Variants in DNAH8 observed in about 807,000 individuals in gnomAD.
DNAH8 encodes dynein axonemal heavy chain 8, also known as axonemal beta dynein heavy chain 8.
In DNAH8, 382 loss-of-function variants were observed where a neutral mutation model predicts 562.1. The observed-to-expected ratio is 0.68, with a 90% CI of 0.63 to 0.74. The LOEUF (loss-of-function observed/expected upper bound fraction) is 0.74. DNAH8 is among the 30% of genes least tolerant of loss of function. The pLI, the probability that DNAH8 is intolerant of heterozygous loss-of-function variation, is 0.00. For missense variants in DNAH8, 5,203 were observed against 5,620.4 expected (o/e 0.93, Z 2.37); for synonymous variants, 1,881 against 1,919.4 (o/e 0.98, Z 0.52).
Position 38,898,162 on chromosome 6 carries a change from A to G in DNAH8, c.8941-96A>G. On this transcript the variant is annotated intron_variant, in intron 60 of 92. Coordinates refer to ENST00000327475, the MANE Select transcript of DNAH8 (RefSeq NM_001206927.2). The stretch of plus-strand genomic sequence containing the variant: ...CCATAACGTTTAAAAAAAGATATGT[A>G]TATTTTAAAATTACTTTTGAGTGTC... 3.7e-6 allele frequency: 4 copies of G among 1,079,798 alleles called. No homozygotes were observed. The South Asian group carries it at 6.3e-5, about 17-fold the overall frequency. 66.9% of individuals were successfully genotyped at this position (1,079,798 alleles called of 1,614,324 possible).
intron 3 of DNAH8, among the ~76,000 whole-genome samples, chr6:38,723,970 TTTAA>T (rs68148878): frequency 0.11 from 15,013 of 142,174 alleles, 1,118 homozygotes; most frequent in African/African-American, 0.21. Context: ...TCTTTTTAAA[TTTAA>T]TTAATTAATT....
intron 88 of DNAH8, among the ~76,000 whole-genome samples, chr6:38,999,626 A>T (rs565887645): frequency 1.3e-5 from 2 of 152,012 alleles, no homozygotes; most frequent in Non-Finnish European, 2.9e-5. Context: ...CCCATTCCTG[A>T]ATTTTGAAGT....
chr6:38,939,973 G>A (rs1013435960), intron 79 of DNAH8, among the ~76,000 whole-genome samples: 7 of 152,136 alleles, frequency 4.6e-5, no homozygotes, highest in Non-Finnish European at 8.8e-5. Flanking sequence ...AATGAAAGGT[G>A]GATATGGAGG....
chr6:38,962,268 T>G (rs1173466334), intron 82 of DNAH8, among the ~76,000 whole-genome samples: 1 of 152,098 alleles, frequency 6.6e-6, no homozygotes, highest in African/African-American at 2.4e-5. Flanking sequence ...GCATCATTGT[T>G]TTTCTAGTTG....
intron 43 of DNAH8, among the ~76,000 whole-genome samples, chr6:38,861,073 C>CT (rs143922312): frequency 0.065 from 9,917 of 152,180 alleles, 1,006 homozygotes; most frequent in African/African-American, 0.22. Context: ...TTATATGACA[C>CT]TAGGCAATTA....
intron 52 of DNAH8, 88 bp from the exon 53 acceptor site, chr6:38,875,502 TC>T (rs1337991096): frequency 6.2e-6 from 5 of 800,380 alleles, no homozygotes; most frequent in East Asian, 5.7e-5. Context: ...TCTTCTCTCT[TC>T]CTTCCTCCTT....
At chr6:38,891,302 C>T (rs1779324690) in intron 58 of DNAH8, among the ~76,000 whole-genome samples, 1 of 152,044 alleles carries the variant, frequency 6.6e-6, no homozygotes, top group African/African-American at 2.4e-5. Flanking sequence ...TGCAGCTGTC[C>T]CCAGATGACT....
intron 47 of DNAH8, among the ~76,000 whole-genome samples, chr6:38,867,392 C>T (rs1008649863): frequency 2.0e-5 from 3 of 152,006 alleles, no homozygotes; most frequent in African/African-American, 7.3e-5. Context: ...AATTTTATTG[C>T]AAGAATGTTA....
At chr6:38,751,093 G>C (rs1336455181) in intron 9 of DNAH8, among the ~76,000 whole-genome samples, 1 of 152,186 alleles carries the variant, frequency 6.6e-6, no homozygotes, top group Non-Finnish European at 1.5e-5. Context: ...AGGAATCCAA[G>C]CAAGGCATAG....
chr6:38,767,813 CT>C (rs2127617887), intron 11 of DNAH8, among the ~76,000 whole-genome samples: 1 of 152,242 alleles, frequency 6.6e-6, no homozygotes, highest in East Asian at 1.9e-4. Context: ...GGGTGTATTC[CT>C]AGAAGGGAAA....
chr6:38,939,220 A>T (rs1443481570), intron 79 of DNAH8, among the ~76,000 whole-genome samples: 1 of 152,204 alleles, frequency 6.6e-6, no homozygotes, highest in Non-Finnish European at 1.5e-5. Flanking sequence ...GTAGTTATTG[A>T]TATAACTACA....
rs1780721923 is a variant in DNAH8 at position 38,909,523 on chromosome 6, T to C, written c.9519T>C (p.Gly3173=). 2.5e-6 allele frequency: 4 copies of C among 1,613,574 alleles called. No homozygotes were observed. Among genetic ancestry groups the C allele is most frequent in the Non-Finnish European group, 3.4e-6 (4 of 1,179,500 alleles). ...LHVVLCFSPV[G]EKFRARSLKF... ...GTTGACTTTGCTATCAATAGGTTGGTGAGAAGTTCCGTGCCCGTTCTTTGA... is the reference window on the plus strand; with the variant it reads ...GTTGACTTTGCTATCAATAGGTTGGCGAGAAGTTCCGTGCCCGTTCTTTGA... Residue 3173 remains glycine (G), a synonymous_variant, in exon 65 of 93, where the codon GGT becomes GGC. Transcript: ENST00000327475.
chr6:38,980,617 T>C (rs1229003649), intron 85 of DNAH8, among the ~76,000 whole-genome samples: 2 of 152,220 alleles, frequency 1.3e-5, no homozygotes, highest in African/African-American at 4.8e-5. Context: ...GGGTTGGCTG[T>C]CTACCTTGGA....
chr6:38,973,612 A>T, intron 83 of DNAH8, 49 bp from the exon 84 acceptor site: 2 of 1,454,592 alleles, frequency 1.4e-6, no homozygotes, highest in Non-Finnish European at 9.2e-7. Context: ...TATTAAAATC[A>T]TAGCAAAAAG....
At chr6:39,016,300 C>T (rs1766564296) in intron 91 of DNAH8, among the ~76,000 whole-genome samples, 1 of 151,932 alleles carries the variant, frequency 6.6e-6, no homozygotes, top group South Asian at 2.1e-4. Flanking sequence ...GCGTGTAATC[C>T]CAGCACTTTG....
At position 38,862,332 on chromosome 6, in the gene DNAH8, G is replaced by T. The variant is rs756311363; in HGVS notation, c.6184G>T (p.Ala2062Ser). ...GGGCATGAACATGGGAGGTGCTCCC[G>T]CAGGACCTGCTGGCACTGGCAAAAC... Reference protein sequence around the residue: ...ALGMNMGGAPAGPAGTGKTET... With the variant: ...ALGMNMGGAPSGPAGTGKTET... Residue 2062 changes from alanine (A) to serine (S), a missense_variant, in exon 44 of 93, where the codon GCA becomes TCA. Ala to Ser is a moderately conservative substitution (Grantham distance 99). This residue lies in a region of DNAH8 where 2,176 missense variants were observed against 2,365.1 expected (regional missense o/e 0.92). Transcript: ENST00000327475. The T allele has an allele frequency of 3.7e-6, 6 of 1,613,988 alleles. No individual in the cohort carries two copies. The highest frequency in any genetic ancestry group is 5.1e-6 in the Non-Finnish European group (6 of 1,179,990).
chr6:38,995,863 T>G (rs974101382), intron 88 of DNAH8, among the ~76,000 whole-genome samples: 1 of 152,242 alleles, frequency 6.6e-6, no homozygotes, highest in Non-Finnish European at 1.5e-5. Flanking sequence ...GCCTTCTTAA[T>G]ATAATCTATC....
At chr6:38,928,817 G>A (rs543932976) in intron 74 of DNAH8, among the ~76,000 whole-genome samples, 103 of 152,254 alleles carry the variant, frequency 6.8e-4, no homozygotes, top group African/African-American at 2.3e-3. Context: ...GATCCTAGGT[G>A]AAGTAAGGGT....
At position 38,949,539 on chromosome 6, in the gene DNAH8, C is replaced by T. The variant is rs769069901; in HGVS notation, c.12217C>T (p.Leu4073=). 4 of 1,609,930 alleles carry T rather than the reference C, an allele frequency of 2.5e-6. No individual in the cohort carries two copies. Among genetic ancestry groups the T allele is most frequent in the African/African-American group, 2.7e-5 (2 of 74,934 alleles). ...EIIPDGYNDS[L]DTCHKLLLIR... ...TATCCCTGATGGATATAATGATTCA[C>T]TAGATACCTGCCATAAACTTTTACT... The change falls in exon 81 of 93, where the codon CTA becomes TTA. Residue 4073 remains leucine (L), a synonymous_variant. Transcript: ENST00000327475.
Sources: allele counts gnomAD v4.1 joint callset (sites outside exome capture counted in the v4.1 genomes callset), GRCh38; gene constraint gnomAD v4.1.1; regional missense constraint gnomAD v4.1.1; transcripts MANE v1.5; gene names NCBI Gene and HGNC (gene_info 2026-07-23, HGNC 2026-07-21).